Variants in ZBTB45 observed in about 807,000 individuals in gnomAD.
The protein encoded by ZBTB45 is zinc finger and BTB domain-containing protein 45.
A neutral mutation model predicts 28.4 loss-of-function variants in ZBTB45; 22 were observed. That is an observed-to-expected ratio of 0.77 (90% CI 0.55 to 1.10). The LOEUF (loss-of-function observed/expected upper bound fraction) is 1.10, where lower values mean the gene tolerates loss of function less well. ZBTB45 is among the 50% of genes least tolerant of loss of function. The probability of loss-of-function intolerance (pLI) is 0.00; values close to 1 mark genes in which losing one functional copy is unlikely to be tolerated. For synonymous variants in ZBTB45, 361 were observed against 332.3 expected, an observed-to-expected ratio of 1.09 and a Z score of -0.94; for missense variants, 656 against 750.2, an observed-to-expected ratio of 0.87 and a Z score of 1.47.
rs934290561 is a variant in ZBTB45, at chr19:58,513,828, A to ACCAGCC, written c.*220_*225dup. On this transcript the variant is annotated 3_prime_UTR_variant, in exon 3 of 3. Coordinates refer to ENST00000594051, the MANE Select transcript of ZBTB45 (RefSeq NM_001316979.2). ...TAGTCCAGTTCTCAGAAGTGGTCTA[A>ACCAGCC]CCAGCCCCAGCCCCAGCCCGGCACC... The ACCAGCC allele has an allele frequency of 2.9e-5, 15 of 508,758 alleles. No individual in the cohort carries two copies. Among genetic ancestry groups the ACCAGCC allele is most frequent in the Non-Finnish European group, 2.8e-5 (9 of 316,764 alleles). 31.5% of individuals were successfully genotyped at this position (508,758 alleles called of 1,614,324 possible).
rs1453677400 is a variant in ZBTB45 at position 58,517,481 on chromosome 19, C to T, written c.193G>A (p.Gly65Ser). The stretch of plus-strand genomic sequence containing the variant: ...GGAGGCACACGGATCTCAGAGTGGC[C>T]GAGCAGCAGCTTGTCTTGGAAGAAG... The part of the protein sequence containing the change: ...SPFFQDKLLL[G>S]HSEIRVPPVV... Residue 65 changes from glycine (G) to serine (S), a missense_variant, in exon 2 of 3, where the codon GGC becomes AGC. Physicochemically the swap from Gly to Ser is moderately conservative, Grantham distance 56 (BLOSUM62 0). Transcript: ENST00000594051. 3.1e-6 allele frequency: 5 copies of T among 1,613,192 alleles called. No individual in the cohort carries two copies. Among genetic ancestry groups the T allele is most frequent in the Non-Finnish European group, 4.2e-6 (5 of 1,179,976 alleles).
intron 2 of ZBTB45, 111 bp from the exon 3 acceptor site, chr19:58,514,421 T>G: frequency 9.8e-6 from 12 of 1,228,088 alleles, no homozygotes; most frequent in African/African-American, 2.4e-5. Context: ...TCCCCTCCCC[T>G]CCCGAACCAC....
At chr19:58,531,241 G>A (rs573411912) in intron 1 of ZBTB45, among the ~76,000 whole-genome samples, 1 of 152,316 alleles carries the variant, frequency 6.6e-6, no homozygotes, top group African/African-American at 2.4e-5. Flanking sequence ...GAACACTGAT[G>A]TGGAGCATTT....
rs2053510290 is a variant in ZBTB45 at position 58,516,935 on chromosome 19, C to CA, written c.738dup (p.Ala247CysfsTer4). ...TCCTCGCACGCGCTGTCAGCAGCAGCAGTGAGGAAGCCAGCAGCACAGTCT... is the reference window on the plus strand; with the variant it reads ...TCCTCGCACGCGCTGTCAGCAGCAGCAAGTGAGGAAGCCAGCAGCACAGTCT... On this transcript the variant is annotated frameshift_variant, in exon 2 of 3. Coordinates refer to ENST00000594051, the MANE Select transcript of ZBTB45 (RefSeq NM_001316979.2). LOFTEE classifies it high-confidence loss of function. The surrounding 1 kb of genome is among the most constrained non-coding windows in gnomAD (Gnocchi z 6.2). 6.2e-7 allele frequency: 1 copy of CA among 1,613,202 alleles called. No individual in the cohort carries two copies. Among genetic ancestry groups the CA allele is most frequent in the Non-Finnish European group, 8.5e-7 (1 of 1,180,030 alleles).
intron 1 of ZBTB45, among the ~76,000 whole-genome samples, chr19:58,536,290 C>T (rs1192210238): frequency 1.3e-5 from 2 of 151,818 alleles, no homozygotes; most frequent in Non-Finnish European, 2.9e-5. Flanking sequence ...ACGGTGAAAC[C>T]CCGTCTCCAC....
intron 1 of ZBTB45, among the ~76,000 whole-genome samples, chr19:58,532,478 AG>A (rs2053639942): frequency 6.6e-6 from 1 of 152,182 alleles, no homozygotes; most frequent in Non-Finnish European, 1.5e-5. Flanking sequence ...CAGGCAAAGT[AG>A]GTTTCATTCT....
chr19:58,523,999 A>T (rs1568648672), upstream of ZBTB45, among the ~76,000 whole-genome samples: 1 of 131,528 alleles, frequency 7.6e-6, no homozygotes, highest in Non-Finnish European at 1.6e-5. Flanking sequence ...CCTTGAACCC[A>T]GGAGGTGGAG....
chr19:58,533,686 T>A (rs2053645762), intron 1 of ZBTB45, among the ~76,000 whole-genome samples: 1 of 152,212 alleles, frequency 6.6e-6, no homozygotes, highest in South Asian at 2.1e-4. Context: ...TTCTCCATTC[T>A]GCTCCCACCC....
chr19:58,531,837 T>C (rs2053636956), intron 1 of ZBTB45, among the ~76,000 whole-genome samples: 1 of 152,220 alleles, frequency 6.6e-6, no homozygotes, highest in East Asian at 1.9e-4. Context: ...TATGTCCTTT[T>C]AACATATTTC....
At chr19:58,521,804 C>T (rs148701329), upstream of ZBTB45, among the ~76,000 whole-genome samples, 30 of 152,212 alleles carry the variant, frequency 2.0e-4, no homozygotes, top group Non-Finnish European at 4.0e-4. Context: ...GATCTCATTC[C>T]TCAGGGAGCA....
intron 1 of ZBTB45, among the ~76,000 whole-genome samples, chr19:58,532,928 C>T (rs1431188523): frequency 2.6e-5 from 4 of 152,016 alleles, no homozygotes; most frequent in African/African-American, 7.3e-5. Context: ...CTCTGCCTCC[C>T]GGGTTCAAGT....
chr19:58,538,460 G>A (rs1436601575), intron 1 of ZBTB45, among the ~76,000 whole-genome samples: 2 of 152,148 alleles, frequency 1.3e-5, no homozygotes, highest in Non-Finnish European at 2.9e-5. Flanking sequence ...GCTGGGCGTG[G>A]AGGCGGTGAC....
chr19:58,517,202 C>T lies in ZBTB45; in HGVS notation c.472G>A (p.Ala158Thr). The change falls in exon 2 of 3, where the codon GCT (alanine) becomes ACT (threonine). Residue 158 changes from alanine to threonine, a missense_variant. By Grantham distance (58) the Ala-to-Thr change is moderately conservative (BLOSUM62 0). Transcript: ENST00000594051. ...QLRHRLRHLL[A>T]ARPPGHPGAA... ...CCGGGGTGCCCCGGGGGACGTGCAG[C>T]CAGCAGGTGGCGCAGGCGGTGACGC... 6.2e-7 allele frequency: 1 copy of T among 1,604,558 alleles called. No homozygotes were observed. The highest frequency in any genetic ancestry group is 8.5e-7 in the Non-Finnish European group (1 of 1,176,120).
At chr19:58,517,791 C>A in intron 1 of ZBTB45, 118 bp from the exon 2 acceptor site, 1 of 900,752 alleles carries the variant, frequency 1.1e-6, no homozygotes. Flanking sequence ...CACTCCAAGG[C>A]GCGCTAACCC....
At chr19:58,530,499 T>A in intron 1 of ZBTB45, among the ~76,000 whole-genome samples, 1 of 148,438 alleles carries the variant, frequency 6.7e-6, no homozygotes. Context: ...AGAGATGGGG[T>A]TTCTCCATGT....
intron 1 of ZBTB45, among the ~76,000 whole-genome samples, chr19:58,535,821 C>A (rs144907669): frequency 6.6e-6 from 1 of 152,292 alleles, no homozygotes; most frequent in Non-Finnish European, 1.5e-5. Flanking sequence ...GACTGATCCA[C>A]CAAGAAGTGG....
intron 1 of ZBTB45, among the ~76,000 whole-genome samples, chr19:58,529,619 T>A (rs187136171): frequency 1.4e-3 from 210 of 152,322 alleles, no homozygotes; most frequent in African/African-American, 4.3e-3. Context: ...TGGATTTTTT[T>A]AAATTATACT....
Position 58,516,739 on chromosome 19 carries a change from C to T in ZBTB45, c.935G>A (p.Cys312Tyr), listed in dbSNP as rs754014360. 4 of 1,610,482 alleles carry T rather than the reference C, an allele frequency of 2.5e-6. No individual in the cohort carries two copies. In the African/African-American group the frequency reaches 4.0e-5, roughly 16 times the overall value. The stretch of plus-strand genomic sequence containing the variant: ...AGGCGGGCGGGATCCAGACAGTATG[C>T]AGTCGGGCTGGACAGGGGTCTCAGT... ...CPTETPVQPD[C>Y]ILSGSRPPGV... Residue 312 changes from cysteine to tyrosine, a missense_variant, in exon 2 of 3, where the codon TGC becomes TAC. Physicochemically the swap from Cys to Tyr is radical, Grantham distance 194. This residue lies in a region of ZBTB45 where 448 missense variants were observed against 444.3 expected (regional missense o/e 1.01). Transcript: ENST00000594051. The surrounding 1 kb of genome is among the most constrained non-coding windows in gnomAD (Gnocchi z 6.2).
At chr19:58,535,131 A>C (rs1452352607) in intron 1 of ZBTB45, among the ~76,000 whole-genome samples, 1 of 151,618 alleles carries the variant, frequency 6.6e-6, no homozygotes, top group Non-Finnish European at 1.5e-5. Flanking sequence ...TTGGCCTCCC[A>C]AAGTGTTGGG....
Sources: gnomAD v4.1 joint callset for allele counts (sites outside exome capture counted in the v4.1 genomes callset) on GRCh38, gnomAD v4.1.1 for gene constraint, gnomAD v4.1.1 regional missense constraint, Gnocchi (gnomAD v3.1) non-coding constraint, MANE v1.5 for transcripts, NCBI Gene and HGNC (gene_info 2026-07-23, HGNC 2026-07-21) for gene names.